The following DPP10 variants were observed in gnomAD, a reference collection of about 807,000 sequenced individuals.
DPP10 encodes the protein inactive dipeptidyl peptidase 10.
Under a neutral mutation model 120.9 loss-of-function variants are expected in DPP10, and 33 were observed. The ratio of observed to expected loss-of-function variants is 0.27; its 90% CI spans 0.21 to 0.37. The LOEUF (loss-of-function observed/expected upper bound fraction) is 0.37, where lower values mean the gene tolerates loss of function less well. Ranked by LOEUF, DPP10 falls within the 10% of genes least tolerant of loss-of-function variation. The pLI, the probability that DPP10 is intolerant of heterozygous loss-of-function variation, is 1.00. For synonymous variants in DPP10, 337 were observed against 326.1 expected (o/e 1.03, Z -0.36); for missense variants, 816 against 942.8 (o/e 0.87, Z 1.76).
chr2:115,611,180 A>T (rs1404342116), intron 5 of DPP10, among the ~76,000 whole-genome samples: 1 of 152,238 alleles, frequency 6.6e-6, no homozygotes, highest in Non-Finnish European at 1.5e-5. Flanking sequence ...TTTCAGTAGA[A>T]GAGTGAAATG....
chr2:115,044,649 G>A (rs1704925327), intron 1 of DPP10, among the ~76,000 whole-genome samples: 1 of 152,066 alleles, frequency 6.6e-6, no homozygotes, highest in South Asian at 2.1e-4. Context: ...AGATTTTGGG[G>A]AGAACACAGA....
At chr2:114,449,005 C>A (rs1381389504) in intron 1 of DPP10, among the ~76,000 whole-genome samples, 1 of 152,102 alleles carries the variant, frequency 6.6e-6, no homozygotes, top group Non-Finnish European at 1.5e-5. Flanking sequence ...TAGAAAATTT[C>A]TCAAAGAAGT....
At chr2:114,494,283 C>T (rs928429377) in intron 1 of DPP10, among the ~76,000 whole-genome samples, 1 of 152,118 alleles carries the variant, frequency 6.6e-6, no homozygotes, top group South Asian at 2.1e-4. Context: ...ATATTATCTT[C>T]CTCATAGTAT....
chr2:114,608,414 G>A lies in DPP10; in HGVS notation c.60+165576G>A, dbSNP rs748632130. Among the ~76,000 whole-genome samples, 6 of 151,932 alleles carry A rather than the reference G, an allele frequency of 3.9e-5. No homozygotes were observed. The East Asian group carries it at 7.7e-4, about 20-fold the overall frequency. ...TAGAAGGAGAGGGGTTTGAGGAGAC[G>A]GTGGTAACAGCAAATAATTTGCAGC... is the stretch of plus-strand genomic sequence containing the variant. On this transcript the variant is annotated intron_variant, in intron 1 of 25. Coordinates refer to ENST00000410059, the MANE Select transcript of DPP10 (RefSeq NM_020868.6).
At chr2:114,891,532 T>G (rs1353203795) in intron 1 of DPP10, among the ~76,000 whole-genome samples, 2 of 152,224 alleles carry the variant, frequency 1.3e-5, no homozygotes, top group Non-Finnish European at 2.9e-5. Context: ...TAGGCAGACT[T>G]GCAGAAGTAT....
At chr2:115,034,288 C>T (rs1407001384) in intron 1 of DPP10, among the ~76,000 whole-genome samples, 5 of 151,958 alleles carry the variant, frequency 3.3e-5, no homozygotes, top group Non-Finnish European at 7.4e-5. Context: ...TTTTTGTCCT[C>T]TCTCTCCCCT....
chr2:115,094,081 CTT>C (rs1222661359), intron 1 of DPP10, among the ~76,000 whole-genome samples: 2 of 151,944 alleles, frequency 1.3e-5, no homozygotes, highest in Non-Finnish European at 2.9e-5. Flanking sequence ...CATCTAGTAA[CTT>C]TGAGTTATTA....
At chr2:114,889,028 G>A (rs886961970) in intron 1 of DPP10, among the ~76,000 whole-genome samples, 2 of 152,110 alleles carry the variant, frequency 1.3e-5, no homozygotes, top group Non-Finnish European at 2.9e-5. Flanking sequence ...CAATATGACT[G>A]GTGTCTTTAC....
chr2:115,162,346 G>A (rs1430093929), intron 1 of DPP10: 5 of 1,422,276 alleles, frequency 3.5e-6, no homozygotes, highest in Middle Eastern at 2.4e-4. Context: ...CGGGACCAAG[G>A]AATGGGGCCT....
At chr2:114,487,039 A>G (rs1420102651) in intron 1 of DPP10, among the ~76,000 whole-genome samples, 1 of 152,200 alleles carries the variant, frequency 6.6e-6, no homozygotes, top group East Asian at 1.9e-4. Context: ...AAAAATGAGA[A>G]GTCGATTTTT....
intron 1 of DPP10, among the ~76,000 whole-genome samples, chr2:114,644,306 T>G (rs998135346): frequency 1.3e-5 from 2 of 150,938 alleles, no homozygotes; most frequent in South Asian, 4.2e-4. Flanking sequence ...TACATAACCA[T>G]GTAGTCCTAC....
chr2:115,805,587 T>C, intron 19 of DPP10, among the ~76,000 whole-genome samples: 1 of 151,528 alleles, frequency 6.6e-6, no homozygotes, highest in Non-Finnish European at 1.5e-5. Context: ...TTTTTTTTTT[T>C]TTTTGAGACG....
chr2:114,677,854 T>A (rs1698771393), intron 1 of DPP10, among the ~76,000 whole-genome samples: 1 of 152,134 alleles, frequency 6.6e-6, no homozygotes, highest in Non-Finnish European at 1.5e-5. Flanking sequence ...CTGATTGAGA[T>A]TCATGAGAGT....
intron 1 of DPP10, among the ~76,000 whole-genome samples, chr2:114,445,922 A>G (rs911408962): frequency 6.6e-6 from 1 of 152,158 alleles, no homozygotes; most frequent in Non-Finnish European, 1.5e-5. Flanking sequence ...GCTGAATGCA[A>G]TTCACTCTGA....
chr2:115,472,862 T>G (rs1367218401), intron 3 of DPP10, among the ~76,000 whole-genome samples: 2 of 152,206 alleles, frequency 1.3e-5, no homozygotes, highest in Non-Finnish European at 2.9e-5. Flanking sequence ...ATTGAAAATC[T>G]AAAAGATTCA....
chr2:115,585,961 A>G (rs2149146623), intron 5 of DPP10, among the ~76,000 whole-genome samples: 1 of 152,294 alleles, frequency 6.6e-6, no homozygotes, highest in African/African-American at 2.4e-5. Context: ...GTGAGGATAT[A>G]ATATAGTTTA....
chr2:114,889,564 A>G lies in DPP10; in HGVS notation c.61-419675A>G, dbSNP rs553872124. ...GAATGTACCAACAACACTTTTAAACATTCTATATAATATTGCAAGCAGTTA... is the reference window on the plus strand; with the variant it reads ...GAATGTACCAACAACACTTTTAAACGTTCTATATAATATTGCAAGCAGTTA... On this transcript the variant is annotated intron_variant, in intron 1 of 25. Coordinates refer to ENST00000410059, the MANE Select transcript of DPP10 (RefSeq NM_020868.6). Among the ~76,000 whole-genome samples the G allele has an allele frequency of 4.4e-3, 675 of 152,168 alleles. 4 individuals are homozygous for G. Among genetic ancestry groups the G allele is most frequent in the Non-Finnish European group, 6.8e-3 (464 of 67,996 alleles).
chr2:115,082,998 A>C lies in DPP10; in HGVS notation c.61-226241A>C, dbSNP rs566144703. Among the ~76,000 whole-genome samples the C allele has an allele frequency of 3.9e-5, 6 of 152,308 alleles. No homozygotes were observed. The East Asian group carries it at 9.6e-4, about 24-fold the overall frequency. ...AATCAATGAGCATTTTTCAGTCCTT[A>C]TCTAATGAGACTATTTTACAGTATC... On this transcript the variant is annotated intron_variant, in intron 1 of 25. Transcript: ENST00000410059.
intron 1 of DPP10, among the ~76,000 whole-genome samples, chr2:114,949,599 A>T (rs186591653): frequency 6.6e-6 from 1 of 152,256 alleles, no homozygotes; most frequent in South Asian, 2.1e-4. Flanking sequence ...TTTGCACTTG[A>T]CATGGACCCA....
Sources: allele counts gnomAD v4.1 joint callset (sites outside exome capture counted in the v4.1 genomes callset), GRCh38; gene constraint gnomAD v4.1.1; transcripts MANE v1.5; gene names NCBI Gene and HGNC (gene_info 2026-07-23, HGNC 2026-07-21).